DSCAM: variants seen among roughly 807,000 people sequenced by gnomAD.
DSCAM encodes the protein cell adhesion molecule DSCAM.
DSCAM carries 47 observed loss-of-function variants against 217.7 expected under a neutral mutation model. The observed-to-expected ratio is 0.22, with a 90% CI of 0.17 to 0.28. DSCAM has a LOEUF of 0.28. Ranked by LOEUF, DSCAM falls within the 10% of genes least tolerant of loss-of-function variation. The pLI is 1.00. For missense variants in DSCAM, 2,080 were observed against 2,618.3 expected, an observed-to-expected ratio of 0.79 and a Z score of 4.49; for synonymous variants, 1,056 against 1,015.3, an observed-to-expected ratio of 1.04 and a Z score of -0.76.
At chr21:40,178,889 G>A in intron 15 of DSCAM, 38 bp downstream of exon 15, 9 of 1,611,288 alleles carry the variant, frequency 5.6e-6, no homozygotes, top group Non-Finnish European at 7.6e-6. Flanking sequence ...TTAGCTCCCG[G>A]GCTCCTCTGG....
intron 1 of DSCAM, among the ~76,000 whole-genome samples, chr21:40,724,022 G>T (rs2090929404): frequency 6.6e-6 from 1 of 152,206 alleles, no homozygotes; most frequent in Admixed American, 6.5e-5. Context: ...TTCCATATGT[G>T]TATAGGGAAT....
At chr21:40,276,400 C>T in intron 10 of DSCAM, 130 bp from the exon 11 acceptor site, 1 of 686,910 alleles carries the variant, frequency 1.5e-6, no homozygotes, top group Non-Finnish European at 2.1e-6. Flanking sequence ...ACGGGATACA[C>T]CAGGTTTTTC....
chr21:40,408,125 A>C (rs149086836), intron 3 of DSCAM, among the ~76,000 whole-genome samples: 1 of 152,224 alleles, frequency 6.6e-6, no homozygotes, highest in African/African-American at 2.4e-5. Flanking sequence ...GCACAGAATT[A>C]TCTAAGCCCT....
At chr21:40,101,945 C>G (rs2089757485) in intron 20 of DSCAM, among the ~76,000 whole-genome samples, 1 of 152,086 alleles carries the variant, frequency 6.6e-6, no homozygotes, top group African/African-American at 2.4e-5. Context: ...GGCAAAAGTT[C>G]TTAGCTTCAT....
At chr21:40,786,018 C>T (rs1018994668) in intron 1 of DSCAM, among the ~76,000 whole-genome samples, 1 of 152,172 alleles carries the variant, frequency 6.6e-6, no homozygotes. Flanking sequence ...GGGCAGATCA[C>T]CTGAGGTCAG....
At chr21:40,797,455 G>A (rs192838815) in intron 1 of DSCAM, among the ~76,000 whole-genome samples, 15 of 152,312 alleles carry the variant, frequency 9.8e-5, no homozygotes, top group African/African-American at 3.4e-4. Flanking sequence ...ACAACCACTT[G>A]TGCATTTGAG....
At chr21:40,342,648 A>ATATATATT (rs61637421) in intron 6 of DSCAM, among the ~76,000 whole-genome samples, 1,358 of 80,210 alleles carry the variant, frequency 0.017, 16 homozygotes, top group Non-Finnish European at 0.024. Context: ...ATATATATAT[A>ATATATATT]TTTTTTTTTT....
At chr21:40,744,914 G>A (rs570736856) in intron 1 of DSCAM, among the ~76,000 whole-genome samples, 1 of 152,262 alleles carries the variant, frequency 6.6e-6, no homozygotes, top group South Asian at 2.1e-4. Context: ...GGAAAATGCA[G>A]TGAAATTTTG....
intron 20 of DSCAM, among the ~76,000 whole-genome samples, chr21:40,102,791 T>G (rs1298918446): frequency 6.6e-6 from 1 of 152,224 alleles, no homozygotes; most frequent in Non-Finnish European, 1.5e-5. Flanking sequence ...TTGTAAGACC[T>G]TGCAGAGCCT....
chr21:40,043,148 A>G (rs994153502), intron 31 of DSCAM, among the ~76,000 whole-genome samples: 3 of 152,216 alleles, frequency 2.0e-5, no homozygotes, highest in Admixed American at 2.0e-4. Flanking sequence ...TTGCACGGAA[A>G]TTGGCCACAA....
intron 5 of DSCAM, among the ~76,000 whole-genome samples, chr21:40,349,771 G>T (rs981258751): frequency 6.6e-6 from 1 of 152,080 alleles, no homozygotes; most frequent in African/African-American, 2.4e-5. Context: ...ATTTTTAAAG[G>T]TCAGAAAGTG....
Position 40,276,140 on chromosome 21 carries a change from A to G in DSCAM, c.2313T>C (p.Asp771=). 6.2e-7 allele frequency: 1 copy of G among 1,610,740 alleles called. No homozygotes were observed. Residue 771 remains aspartate (D), a synonymous_variant, in exon 11 of 33, where the codon GAT becomes GAC. Coordinates refer to ENST00000400454, the MANE Select transcript of DSCAM (RefSeq NM_001389.5). ...TGGACTTGCTGACGTCTGCGCCCACATCGTTGCTGACCTTGCAGAGGTAGT... is the reference window on the plus strand; with the variant it reads ...TGGACTTGCTGACGTCTGCGCCCACGTCGTTGCTGACCTTGCAGAGGTAGT... ...SGYYLCKVSN[D]VGADVSKSMY...
intron 11 of DSCAM, among the ~76,000 whole-genome samples, chr21:40,195,345 TTGAAAAGAAAACAAC>T (rs1446379449): frequency 2.0e-5 from 3 of 151,884 alleles, no homozygotes; most frequent in Non-Finnish European, 4.4e-5. Context: ...AGAAAACAGA[TTGAAAAGAAAACAAC>T]TGAAAAGAAA....
In DSCAM at chr21:40,819,474, C is replaced by G. The variant is rs575500604; in HGVS notation, c.43+27145G>C. Reference sequence around the variant, plus strand: ...GCCAAACACATAATGGTTGTGTATACGTTCCCAATTGCATACTTAGCATTC... The same window carrying G: ...GCCAAACACATAATGGTTGTGTATAGGTTCCCAATTGCATACTTAGCATTC... On this transcript the variant is annotated intron_variant, in intron 1 of 32. Coordinates refer to ENST00000400454, the MANE Select transcript of DSCAM (RefSeq NM_001389.5). 3.9e-5 allele frequency among the ~76,000 whole-genome samples: 6 copies of G among 152,284 alleles called. 1 individual carries two copies. The South Asian group carries it at 1.2e-3, about 32-fold the overall frequency.
At chr21:40,715,275 T>C (rs1385406583) in intron 1 of DSCAM, among the ~76,000 whole-genome samples, 1 of 152,226 alleles carries the variant, frequency 6.6e-6, no homozygotes, top group Non-Finnish European at 1.5e-5. Context: ...GAAAGTCAGA[T>C]CTAGGGGAAG....
chr21:40,450,785 A>G (rs1253653980), intron 3 of DSCAM, among the ~76,000 whole-genome samples: 2 of 152,202 alleles, frequency 1.3e-5, no homozygotes, highest in Admixed American at 6.5e-5. Context: ...AGACATTACT[A>G]TATCTCTGAA....
At position 40,818,547 on chromosome 21, in the gene DSCAM, C is replaced by CAAA. The variant is rs60730859; in HGVS notation, c.43+28069_43+28071dup. 4.8e-4 allele frequency among the ~76,000 whole-genome samples: 20 copies of CAAA among 41,852 alleles called. 6 individuals carry two copies. The highest frequency in any genetic ancestry group is 9.5e-4 in the Non-Finnish European group (17 of 17,920). 27.5% of individuals were successfully genotyped at this position (41,852 alleles called of 152,430 possible). On this transcript the variant is annotated intron_variant, in intron 1 of 32. Transcript: ENST00000400454. ...GGCTACACAGCCAGACTCCGTCTCA[C>CAAA]AAAAAAAAAAAAAAAAAAAAAAAAA...
chr21:40,234,413 C>T (rs949888260), intron 11 of DSCAM, among the ~76,000 whole-genome samples: 1 of 152,214 alleles, frequency 6.6e-6, no homozygotes. Flanking sequence ...AATGAGATTA[C>T]ATAAGCAAAG....
At chr21:40,765,353 T>A (rs34884265) in intron 1 of DSCAM, among the ~76,000 whole-genome samples, 10 of 151,966 alleles carry the variant, frequency 6.6e-5, no homozygotes, top group African/African-American at 2.2e-4. Flanking sequence ...CACTTCCTCC[T>A]CCTCCTCTGC....
Sources: allele counts gnomAD v4.1 joint callset (sites outside exome capture counted in the v4.1 genomes callset), GRCh38; gene constraint gnomAD v4.1.1; transcripts MANE v1.5; gene names NCBI Gene and HGNC (gene_info 2026-07-23, HGNC 2026-07-21).